CNTN4: variants seen among roughly 807,000 people sequenced by gnomAD.
The protein encoded by CNTN4 is contactin 4, also known as contactin-4.
CNTN4 carries 77 observed loss-of-function variants against 122.5 expected under a neutral mutation model. The ratio of observed to expected loss-of-function variants is 0.63; its 90% CI spans 0.52 to 0.76. The LOEUF is 0.76. CNTN4 is among the 30% of genes least tolerant of loss of function. The pLI, the probability that CNTN4 is intolerant of heterozygous loss-of-function variation, is 0.00. For missense variants in CNTN4, 1,256 were observed against 1,259.1 expected (o/e 1.00, Z 0.04); for synonymous variants, 512 against 447.0 (o/e 1.15, Z -1.83).
intron 4 of CNTN4, among the ~76,000 whole-genome samples, chr3:2,611,575 G>A (rs753320499): frequency 9.2e-5 from 14 of 152,078 alleles, no homozygotes; most frequent in Non-Finnish European, 1.5e-4. Context: ...ACTTAGATAC[G>A]TTCACACCAT....
intron 10 of CNTN4, among the ~76,000 whole-genome samples, chr3:2,888,874 C>G (rs772674357): frequency 6.6e-6 from 1 of 152,050 alleles, no homozygotes; most frequent in African/African-American, 2.4e-5. Context: ...CCACTCAGCA[C>G]AAATTCCTGT....
intron 13 of CNTN4, among the ~76,000 whole-genome samples, chr3:2,983,802 A>G (rs773199323): frequency 3.4e-4 from 51 of 152,202 alleles, no homozygotes; most frequent in Admixed American, 2.2e-3. Context: ...AAAGTGGTTG[A>G]GTTTCTCCAA....
intron 2 of CNTN4, among the ~76,000 whole-genome samples, chr3:2,249,434 CT>C (rs1388923910): frequency 1.3e-5 from 2 of 151,876 alleles, no homozygotes; most frequent in Non-Finnish European, 2.9e-5. Flanking sequence ...AGAAAGTGTA[CT>C]TTTTTTCCAG....
intron 4 of CNTN4, among the ~76,000 whole-genome samples, chr3:2,630,985 C>CATATGAAAGA (rs1252347886): frequency 2.0e-5 from 3 of 152,158 alleles, no homozygotes; most frequent in African/African-American, 7.2e-5. Flanking sequence ...TAAAAGTTCT[C>CATATGAAAGA]TTTCATTCCC....
chr3:2,211,209 C>T (rs953928528), intron 2 of CNTN4, among the ~76,000 whole-genome samples: 2 of 151,766 alleles, frequency 1.3e-5, no homozygotes, highest in East Asian at 1.9e-4. Context: ...GGGGGTTGGG[C>T]GCCACACACT....
At chr3:2,862,925 G>A in intron 7 of CNTN4, among the ~76,000 whole-genome samples, 1 of 152,162 alleles carries the variant, frequency 6.6e-6, no homozygotes, top group East Asian at 1.9e-4. Context: ...AATATGAAGA[G>A]CTCTTACTTT....
At chr3:2,528,400 G>T (rs1015284894) in intron 3 of CNTN4, among the ~76,000 whole-genome samples, 2 of 152,114 alleles carry the variant, frequency 1.3e-5, no homozygotes, top group African/African-American at 4.8e-5. Context: ...ATCAGTCAAT[G>T]CATTGGCCCA....
intron 3 of CNTN4, among the ~76,000 whole-genome samples, chr3:2,443,309 C>T (rs1444700484): frequency 6.6e-6 from 1 of 152,140 alleles, no homozygotes; most frequent in Non-Finnish European, 1.5e-5. Flanking sequence ...ACCCATCCAG[C>T]ACTGAGTAGG....
intron 2 of CNTN4, among the ~76,000 whole-genome samples, chr3:2,297,583 A>G (rs1183649848): frequency 1.3e-5 from 2 of 152,164 alleles, no homozygotes; most frequent in Admixed American, 6.5e-5. Context: ...TTTTAGACTT[A>G]TAAAATACTG....
At chr3:2,690,743 AAAG>A (rs1295160819) in intron 4 of CNTN4, among the ~76,000 whole-genome samples, 1 of 152,190 alleles carries the variant, frequency 6.6e-6, no homozygotes, top group Non-Finnish European at 1.5e-5. Flanking sequence ...TAAAAAATCA[AAAG>A]GAGAATATTA....
chr3:3,056,516 A>C lies in CNTN4; in HGVS notation c.*296A>C, dbSNP rs556781386. On this transcript the variant is annotated 3_prime_UTR_variant, in exon 25 of 25. Transcript: ENST00000418658. ...TTTTTTATTATATATTTAGTGTTTT[A>C]TAGAATTTTTTAAAGTTAACATATA... 2 of 180,928 alleles carry C rather than the reference A, an allele frequency of 1.1e-5. No individual in the cohort carries two copies. Among genetic ancestry groups the C allele is most frequent in the African/African-American group, 4.7e-5 (2 of 42,500 alleles). 11.2% of individuals were successfully genotyped at this position (180,928 alleles called of 1,614,324 possible).
intron 3 of CNTN4, among the ~76,000 whole-genome samples, chr3:2,427,421 A>T (rs1386486108): frequency 2.0e-5 from 3 of 152,160 alleles, no homozygotes; most frequent in Admixed American, 2.0e-4. Flanking sequence ...GTTTGATTGC[A>T]CTGTGGTCTG....
At chr3:2,287,617 AAGGAGAAGGAGAAGG>A (rs1559415020) in intron 2 of CNTN4, among the ~76,000 whole-genome samples, 9 of 34,956 alleles carry the variant, frequency 2.6e-4, no homozygotes, top group African/African-American at 5.8e-4. Context: ...AAAGAAGGAG[AAGGAGAAGGAGAAGG>A]AGAAGAAGAA....
rs749436184 is a variant in CNTN4 at position 3,053,914 on chromosome 3, G to A, written c.2919G>A (p.Lys973=). The change falls in exon 24 of 25, where the codon AAG becomes AAA. Residue 973 remains lysine (K), a synonymous_variant. Transcript: ENST00000418658. Reference sequence around the variant, plus strand: ...ATGAAGATTATATAATAGAAATTAAGCCATTCAGCGACGGAGGAGATGGCA... The same window carrying A: ...ATGAAGATTATATAATAGAAATTAAACCATTCAGCGACGGAGGAGATGGCA... The part of the protein sequence containing the change: ...PFDEDYIIEI[K]PFSDGGDGSS... The A allele has an allele frequency of 1.9e-6, 3 of 1,614,176 alleles. No individual in the cohort carries two copies. Among genetic ancestry groups the A allele is most frequent in the African/African-American group, 2.7e-5 (2 of 75,048 alleles).
intron 4 of CNTN4, among the ~76,000 whole-genome samples, chr3:2,719,338 C>T (rs1267236051): frequency 6.6e-6 from 1 of 151,576 alleles, no homozygotes; most frequent in East Asian, 1.9e-4. Flanking sequence ...CTCTGTCGCC[C>T]AGGCTGGAAT....
At position 2,958,107 on chromosome 3, in the gene CNTN4, T is replaced by C. The variant is rs1270762120; in HGVS notation, c.1359-30238T>C. Among the ~76,000 whole-genome samples the C allele has an allele frequency of 3.3e-5, 5 of 152,198 alleles. No individual in the cohort carries two copies. The East Asian group carries it at 9.6e-4, about 29-fold the overall frequency. ...TGGATGTTTCCACATATTGCAAGAC[T>C]GTAGCATCTCTAGGCCCAGGCATTC... is the stretch of plus-strand genomic sequence containing the variant. On this transcript the variant is annotated intron_variant, in intron 13 of 24. Transcript: ENST00000418658.
chr3:2,813,691 G>T (rs1309073527), intron 6 of CNTN4, among the ~76,000 whole-genome samples: 1 of 151,960 alleles, frequency 6.6e-6, no homozygotes, highest in Non-Finnish European at 1.5e-5. Context: ...CTTATTTACT[G>T]TTATTACTTC....
chr3:2,262,226 G>A (rs1458787365), intron 2 of CNTN4: 1 of 152,050 alleles, frequency 6.6e-6, no homozygotes, highest in African/African-American at 2.4e-5. Flanking sequence ...ATCTCCAACT[G>A]GACCAATTTT....
intron 2 of CNTN4, among the ~76,000 whole-genome samples, chr3:2,294,288 C>CTTTTTTTTTTTTTTTTTT (rs71058604): frequency 0.029 from 3,955 of 134,782 alleles, 177 homozygotes; most frequent in Non-Finnish European, 0.047. Flanking sequence ...AGAGTTGTGA[C>CTTTTTTTTTTTTTTTTTT]TTTTTTTTTT....
Sources: allele counts gnomAD v4.1 joint callset (sites outside exome capture counted in the v4.1 genomes callset), GRCh38; gene constraint gnomAD v4.1.1; transcripts MANE v1.5; gene names NCBI Gene and HGNC (gene_info 2026-07-23, HGNC 2026-07-21).